The following NTM variants were observed in gnomAD, a reference collection of about 807,000 sequenced individuals.
The protein encoded by NTM is neurotrimin.
NTM carries 13 observed loss-of-function variants against 42.1 expected under a neutral mutation model. That is an observed-to-expected ratio of 0.31 (90% CI 0.20 to 0.49). NTM has a LOEUF of 0.49. Ranked by LOEUF, NTM falls within the 20% of genes least tolerant of loss-of-function variation. NTM has a pLI of 0.99. For synonymous variants in NTM, 187 were observed against 179.2 expected, an observed-to-expected ratio of 1.04 and a Z score of -0.35; for missense variants, 373 against 452.8, an observed-to-expected ratio of 0.82 and a Z score of 1.60.
At chr11:131,632,784 C>T (rs530715949) in intron 1 of NTM, among the ~76,000 whole-genome samples, 2 of 150,270 alleles carry the variant, frequency 1.3e-5, no homozygotes, top group African/African-American at 5.0e-5. Flanking sequence ...ACGCCATTCT[C>T]CTGCCTCAGC....
At chr11:131,852,137 G>C (rs1451135840) in intron 1 of NTM, among the ~76,000 whole-genome samples, 2 of 152,122 alleles carry the variant, frequency 1.3e-5, no homozygotes, top group Admixed American at 6.5e-5. Flanking sequence ...GTTCTAACCT[G>C]CTGAGGCGGC....
Position 132,310,152 on chromosome 11 carries a change from C to T in NTM, c.702C>T (p.Pro234=), listed in dbSNP as rs553112580. ...CAGAAGCCAAGGGTACAGGTGTCCCCGTGGGACAAAAGGGGACACTGCAGT... is the reference window on the plus strand; with the variant it reads ...CAGAAGCCAAGGGTACAGGTGTCCCTGTGGGACAAAAGGGGACACTGCAGT... ...YISEAKGTGV[P]VGQKGTLQCE... The change falls in exon 6 of 9, where the codon CCC becomes CCT. Residue 234 remains proline (P), a synonymous_variant. Coordinates refer to ENST00000683400, the MANE Select transcript of NTM (RefSeq NM_001352005.2). 8.7e-6 allele frequency: 14 copies of T among 1,610,928 alleles called. No homozygotes were observed. The highest frequency in any genetic ancestry group is 4.0e-5 in the African/African-American group (3 of 74,684).
At chr11:131,859,868 T>C (rs1002722070) in intron 1 of NTM, among the ~76,000 whole-genome samples, 8 of 152,170 alleles carry the variant, frequency 5.3e-5, no homozygotes, top group Non-Finnish European at 2.9e-5. Context: ...CCTTTTTTTT[T>C]TCTCCTTTTC....
At chr11:131,701,007 G>A (rs936252820) in intron 1 of NTM, among the ~76,000 whole-genome samples, 3 of 152,168 alleles carry the variant, frequency 2.0e-5, no homozygotes, top group African/African-American at 7.2e-5. Context: ...TAGTTTTCTT[G>A]TGATAATTAA....
intron 1 of NTM, among the ~76,000 whole-genome samples, chr11:131,641,651 G>T (rs2065145485): frequency 6.6e-6 from 1 of 152,114 alleles, no homozygotes; most frequent in Non-Finnish European, 1.5e-5. Context: ...TAGATAATTG[G>T]CAGTGGCCAC....
chr11:131,964,541 G>C (rs2062593343), intron 2 of NTM, among the ~76,000 whole-genome samples: 1 of 152,050 alleles, frequency 6.6e-6, no homozygotes, highest in South Asian at 2.1e-4. Context: ...GAGAAATTAA[G>C]GCAAGATACA....
intron 1 of NTM, among the ~76,000 whole-genome samples, chr11:131,785,808 T>C (rs1233273273): frequency 6.6e-6 from 1 of 152,234 alleles, no homozygotes; most frequent in Non-Finnish European, 1.5e-5. Context: ...GGGGACAGAA[T>C]GTGCTTTATA....
chr11:131,813,973 C>CAAATGTTGAA (rs1250135656), intron 1 of NTM, among the ~76,000 whole-genome samples: 1 of 151,906 alleles, frequency 6.6e-6, no homozygotes, highest in Non-Finnish European at 1.5e-5. Flanking sequence ...AGTGTTGAGC[C>CAAATGTTGAA]CACAGTAAGA....
chr11:132,030,777 G>A (rs1298146529), intron 2 of NTM, among the ~76,000 whole-genome samples: 1 of 152,188 alleles, frequency 6.6e-6, no homozygotes, highest in Admixed American at 6.5e-5. Flanking sequence ...GGGAGAAGAA[G>A]CAGGAGATGA....
At chr11:132,041,775 A>G (rs2077240703) in intron 2 of NTM, among the ~76,000 whole-genome samples, 1 of 152,174 alleles carries the variant, frequency 6.6e-6, no homozygotes, top group South Asian at 2.1e-4. Flanking sequence ...AGCATAAGAC[A>G]TGAGGCTTGC....
chr11:132,266,478 T>C (rs537854321), intron 4 of NTM, among the ~76,000 whole-genome samples: 19 of 152,326 alleles, frequency 1.2e-4, no homozygotes, highest in African/African-American at 4.6e-4. Context: ...CCAACCTCTA[T>C]CTAAATATGA....
chr11:131,576,865 T>C (rs1180330901), intron 1 of NTM, among the ~76,000 whole-genome samples: 2 of 152,344 alleles, frequency 1.3e-5, no homozygotes, highest in African/African-American at 2.4e-5. Context: ...TTAATTTTTT[T>C]CCACAAAATG....
At chr11:132,115,354 T>C (rs1049645159) in intron 2 of NTM, among the ~76,000 whole-genome samples, 1 of 152,146 alleles carries the variant, frequency 6.6e-6, no homozygotes, top group African/African-American at 2.4e-5. Flanking sequence ...GTGATAGACA[T>C]GTTAATTAGC....
intron 1 of NTM, among the ~76,000 whole-genome samples, chr11:131,829,209 A>G (rs2042505220): frequency 6.6e-6 from 1 of 152,108 alleles, no homozygotes; most frequent in Non-Finnish European, 1.5e-5. Flanking sequence ...TTTGCTTTAG[A>G]TTCATGGGAT....
Position 132,310,197 on chromosome 11 carries a change from C to T in NTM, c.747C>T (p.Pro249=), listed in dbSNP as rs1565446707. The T allele has an allele frequency of 1.9e-6, 3 of 1,610,628 alleles. No homozygotes were observed. Among genetic ancestry groups the T allele is most frequent in the African/African-American group, 2.7e-5 (2 of 74,600 alleles). The change falls in exon 6 of 9, where the codon CCC becomes CCT. Residue 249 remains proline (P), a synonymous_variant. Transcript: ENST00000683400. The stretch of plus-strand genomic sequence containing the variant: ...TGCAGTGTGAAGCCTCAGCAGTCCC[C>T]TCAGCAGAATTCCAGTGGTACAAGG... ...GTLQCEASAV[P]SAEFQWYKDD...
chr11:131,721,646 T>C (rs1473861343), intron 1 of NTM, among the ~76,000 whole-genome samples: 1 of 152,146 alleles, frequency 6.6e-6, no homozygotes, highest in East Asian at 1.9e-4. Flanking sequence ...CTTCATCTCA[T>C]GATCTGTACA....
At chr11:131,427,145 C>T (rs956737097) in intron 1 of NTM, among the ~76,000 whole-genome samples, 4 of 151,070 alleles carry the variant, frequency 2.6e-5, no homozygotes, top group Non-Finnish European at 5.9e-5. Context: ...GCTGTCCAGT[C>T]CAGAAGCAGA....
intron 1 of NTM, among the ~76,000 whole-genome samples, chr11:131,761,506 C>T (rs1198776745): frequency 6.6e-6 from 1 of 151,972 alleles, no homozygotes; most frequent in African/African-American, 2.4e-5. Context: ...GAATTAGTGC[C>T]CTCATAAGAG....
chr11:131,962,536 C>T (rs117140278), intron 2 of NTM, among the ~76,000 whole-genome samples: 11 of 152,300 alleles, frequency 7.2e-5, no homozygotes, highest in Non-Finnish European at 1.5e-4. Context: ...ATCAGGAAAC[C>T]AGGAGGCGGG....
Sources: gnomAD v4.1 joint callset for allele counts (sites outside exome capture counted in the v4.1 genomes callset) on GRCh38, gnomAD v4.1.1 for gene constraint, MANE v1.5 for transcripts, NCBI Gene and HGNC (gene_info 2026-07-23, HGNC 2026-07-21) for gene names.